SLC7A5: variants seen among roughly 807,000 people sequenced by gnomAD.
SLC7A5 encodes solute carrier family 7 member 5, also known as large neutral amino acids transporter small subunit 1.
Under a neutral mutation model 50.2 loss-of-function variants are expected in SLC7A5, and 23 were observed. The observed-to-expected ratio is 0.46, with a 90% confidence interval of 0.33 to 0.65. The LOEUF is 0.65. SLC7A5 is among the 30% of genes least tolerant of loss of function. SLC7A5 has a pLI of 0.02. For missense variants in SLC7A5, 578 were observed against 684.4 expected (o/e 0.84, Z 1.73); for synonymous variants, 393 against 330.6 (o/e 1.19, Z -2.05).
Position 87,869,261 on chromosome 16 carries a change from G to A in SLC7A5, c.162C>T (p.Asn54=), listed in dbSNP as rs1597524508. The A allele has an allele frequency of 1.2e-6, 2 of 1,612,520 alleles. No individual in the cohort carries two copies. The highest frequency in any genetic ancestry group is 1.8e-4 in the Middle Eastern group (1 of 5,558). Residue 54 remains asparagine (N), a synonymous_variant, in exon 1 of 10, where the codon AAC becomes AAT. Coordinates refer to ENST00000261622, the MANE Select transcript of SLC7A5 (RefSeq NM_003486.7). ...VTLQRNITLL[N]GVAIIVGTII... The stretch of plus-strand genomic sequence containing the variant: ...TGGTCCCCACGATGATGGCCACGCC[G>A]TTGAGCAGCGTGATGTTCCGCTGCA...
Position 87,833,081 on chromosome 16 carries a change from A to C in SLC7A5, c.1469-56T>G. 1.3e-6 allele frequency: 2 copies of C among 1,482,076 alleles called. No homozygotes were observed. Among genetic ancestry groups the C allele is most frequent in the Non-Finnish European group, 1.9e-6 (2 of 1,060,694 alleles). 91.8% of individuals were successfully genotyped at this position (1,482,076 alleles called of 1,614,324 possible). ...TGGGGGCTGGGTAGGCACCCGTGGG[A>C]CACGGGGGCGTGAGCTGGGGCTCCC... On this transcript the variant is annotated intron_variant, in intron 9 of 9. Coordinates refer to ENST00000261622, the MANE Select transcript of SLC7A5 (RefSeq NM_003486.7). This position sits in a 1 kb window ranked among gnomAD's most constrained non-coding sequence, Gnocchi z 6.0.
chr16:87,850,171 C>T (rs753587114), intron 2 of SLC7A5, among the ~76,000 whole-genome samples: 9 of 152,300 alleles, frequency 5.9e-5, no homozygotes, highest in Non-Finnish European at 8.8e-5. Context: ...AGGAGCAAGG[C>T]GGAGGCTCAG....
At chr16:87,837,152 C>T (rs544278788) in intron 7 of SLC7A5, among the ~76,000 whole-genome samples, 1 of 152,348 alleles carries the variant, frequency 6.6e-6, no homozygotes, top group East Asian at 1.9e-4. Context: ...TAAGCAAGGG[C>T]CAGGACCTCT....
At chr16:87,851,906 G>A (rs890107825) in intron 1 of SLC7A5, 57 bp from the exon 2 acceptor site, 3 of 1,609,598 alleles carry the variant, frequency 1.9e-6, no homozygotes, top group African/African-American at 1.3e-5. Context: ...CAGCTCAGGG[G>A]TAGGCTGGGA....
At chr16:87,846,557 A>T (rs1331336100) in intron 2 of SLC7A5, among the ~76,000 whole-genome samples, 2 of 152,174 alleles carry the variant, frequency 1.3e-5, no homozygotes, top group African/African-American at 2.4e-5. Context: ...GCCTGATCTG[A>T]CAGGATCCTT....
rs1187001470 is a variant in SLC7A5 at position 87,841,004 on chromosome 16, G to T, written c.770+46C>A. ...ATTTGGGATTCCTGGACACGTCAGG[G>T]ACTGTATGTCCCCAGACCAAGGGAC... On this transcript the variant is annotated intron_variant, in intron 3 of 9. Coordinates refer to ENST00000261622, the MANE Select transcript of SLC7A5 (RefSeq NM_003486.7). This position sits in a 1 kb window ranked among gnomAD's most constrained non-coding sequence, Gnocchi z 4.8. 10 of 1,337,610 alleles carry T rather than the reference G, an allele frequency of 7.5e-6. No individual in the cohort carries two copies. The East Asian group carries it at 2.3e-4, about 31-fold the overall frequency. 82.9% of individuals were successfully genotyped at this position (1,337,610 alleles called of 1,614,324 possible). A position where few individuals can be genotyped will look rare whatever the true frequency, so the allele number is the denominator to read the frequency against.
At chr16:87,843,019 G>A (rs748439317) in intron 2 of SLC7A5, among the ~76,000 whole-genome samples, 5 of 152,238 alleles carry the variant, frequency 3.3e-5, no homozygotes, top group Admixed American at 6.5e-5. Flanking sequence ...ATGCAGACCT[G>A]CCAGGCTGCT....
intron 4 of SLC7A5, among the ~76,000 whole-genome samples, chr16:87,840,115 C>T (rs2055064436): frequency 6.6e-6 from 1 of 152,230 alleles, no homozygotes; most frequent in Non-Finnish European, 1.5e-5. Context: ...TAAGTCAGGC[C>T]ACCTGGTCTG....
intron 2 of SLC7A5, among the ~76,000 whole-genome samples, chr16:87,845,301 G>C (rs2055137489): frequency 6.6e-6 from 1 of 152,252 alleles, no homozygotes; most frequent in South Asian, 2.1e-4. Flanking sequence ...TCTAAGAGGG[G>C]GCTGTGAGTC....
chr16:87,844,262 G>T (rs1018731052), intron 2 of SLC7A5, among the ~76,000 whole-genome samples: 6 of 152,206 alleles, frequency 3.9e-5, no homozygotes, highest in African/African-American at 9.6e-5. Context: ...AACCCCGGGT[G>T]GGGGGAAGGC....
At position 87,861,337 on chromosome 16, in the gene SLC7A5, T is replaced by C. The variant is rs1384956220; in HGVS notation, c.538+7548A>G. Among the ~76,000 whole-genome samples the C allele has an allele frequency of 6.6e-6, 1 of 152,122 alleles. No homozygotes were observed. Among genetic ancestry groups the C allele is most frequent in the Non-Finnish European group, 1.5e-5 (1 of 67,992 alleles). On this transcript the variant is annotated intron_variant, in intron 1 of 9. Transcript: ENST00000261622. The surrounding 1 kb of genome is among the most constrained non-coding windows in gnomAD (Gnocchi z 4.2). ...CCTCTGACCCACCTGTGTCCTTACCTGGGCCGACTGGGCCACCCAGTCTTG... is the reference window on the plus strand; with the variant it reads ...CCTCTGACCCACCTGTGTCCTTACCCGGGCCGACTGGGCCACCCAGTCTTG...
rs889371109 is a variant in SLC7A5, at chr16:87,854,376, CT to C, written c.539-2528del. The stretch of plus-strand genomic sequence containing the variant: ...AGGTTTCATTATTCTCCACAGTGTC[CT>C]TTTTTTTACGTTTTAAGATGAGATA... On this transcript the variant is annotated intron_variant, in intron 1 of 9. Coordinates refer to ENST00000261622, the MANE Select transcript of SLC7A5 (RefSeq NM_003486.7). 7.9e-5 allele frequency among the ~76,000 whole-genome samples: 12 copies of C among 152,148 alleles called. No homozygotes were observed. In the East Asian group the frequency reaches 2.1e-3, roughly 27 times the overall value.
In SLC7A5 at chr16:87,831,745, C is replaced by G. The variant is rs1339656743; in HGVS notation, c.*1225G>C. 8 of 152,418 alleles carry G rather than the reference C, an allele frequency of 5.2e-5. No homozygotes were observed. In the South Asian group the frequency reaches 8.3e-4, roughly 16 times the overall value. 9.4% of individuals were successfully genotyped at this position (152,418 alleles called of 1,614,324 possible). On this transcript the variant is annotated 3_prime_UTR_variant, in exon 10 of 10. Coordinates refer to ENST00000261622, the MANE Select transcript of SLC7A5 (RefSeq NM_003486.7). Reference sequence around the variant, plus strand: ...GGAAAGTGGGCCGCATTGGCCAGGCCTCGGCTGCCTCCCATAGCGAAAAAA... The same window carrying G: ...GGAAAGTGGGCCGCATTGGCCAGGCGTCGGCTGCCTCCCATAGCGAAAAAA...
chr16:87,865,300 A>G (rs1184707030), intron 1 of SLC7A5, among the ~76,000 whole-genome samples: 1 of 152,228 alleles, frequency 6.6e-6, no homozygotes, highest in East Asian at 1.9e-4. Flanking sequence ...GTGTGGCCCT[A>G]ACTTTCGCTG....
At chr16:87,848,916 G>GGCAAGAGGCTGTACA (rs35478193) in intron 2 of SLC7A5, among the ~76,000 whole-genome samples, 1 of 52,558 alleles carries the variant, frequency 1.9e-5, no homozygotes, top group Non-Finnish European at 3.4e-5. Context: ...GGAGGAAACA[G>GGCAAGAGGCTGTACA]GTCAGCCAAG....
At chr16:87,840,366 G>A (rs1567490318) in intron 4 of SLC7A5, 63 bp downstream of exon 4, 1 of 1,407,096 alleles carries the variant, frequency 7.1e-7, no homozygotes, top group East Asian at 2.3e-5. Context: ...AGTGGAATGT[G>A]GCTGCTTCCT....
In SLC7A5 at chr16:87,862,187, C is replaced by A. The variant is rs1022714117; in HGVS notation, c.538+6698G>T. ...AACAGGCCTGGACTGAGAAGCGGGGCTACAGGTTACAGGTGCTGGATACCC... is the reference window on the plus strand; with the variant it reads ...AACAGGCCTGGACTGAGAAGCGGGGATACAGGTTACAGGTGCTGGATACCC... On this transcript the variant is annotated intron_variant, in intron 1 of 9. Transcript: ENST00000261622. This position sits in a 1 kb window ranked among gnomAD's most constrained non-coding sequence, Gnocchi z 5.3. 1.3e-5 allele frequency among the ~76,000 whole-genome samples: 2 copies of A among 152,074 alleles called. No homozygotes were observed. The highest frequency in any genetic ancestry group is 4.8e-5 in the African/African-American group (2 of 41,386).
chr16:87,846,538 C>T (rs1034512415), intron 2 of SLC7A5, among the ~76,000 whole-genome samples: 2 of 152,198 alleles, frequency 1.3e-5, no homozygotes, highest in Non-Finnish European at 2.9e-5. Context: ...GTGGGGTCCT[C>T]AGGGTGGGGC....
At chr16:87,845,107 C>T (rs938465345) in intron 2 of SLC7A5, among the ~76,000 whole-genome samples, 1 of 152,176 alleles carries the variant, frequency 6.6e-6, no homozygotes, top group African/African-American at 2.4e-5. Context: ...GGACCAGGAC[C>T]GTCTGCATGT....
Sources: gnomAD v4.1 joint callset for allele counts (sites outside exome capture counted in the v4.1 genomes callset) on GRCh38, gnomAD v4.1.1 for gene constraint, Gnocchi (gnomAD v3.1) non-coding constraint, MANE v1.5 for transcripts, NCBI Gene and HGNC (gene_info 2026-07-23, HGNC 2026-07-21) for gene names.